Variants in PDZD2 observed in about 807,000 individuals in gnomAD.
PDZD2 encodes the protein PDZ domain containing 2.
In PDZD2, 90 loss-of-function variants were observed where a neutral mutation model predicts 220.7. The observed-to-expected ratio is 0.41, with a 90% confidence interval of 0.34 to 0.49. PDZD2 has a LOEUF of 0.49. Ranked by LOEUF, PDZD2 falls within the 20% of genes least tolerant of loss-of-function variation. PDZD2 has a pLI of 0.28. For synonymous variants in PDZD2, 1,375 were observed against 1,450.5 expected, an observed-to-expected ratio of 0.95 and a Z score of 1.18; for missense variants, 3,174 against 3,608.5, an observed-to-expected ratio of 0.88 and a Z score of 3.08.
At chr5:31,870,336 C>A (rs1385538474) in intron 2 of PDZD2, among the ~76,000 whole-genome samples, 1 of 152,194 alleles carries the variant, frequency 6.6e-6, no homozygotes, top group Non-Finnish European at 1.5e-5. Context: ...ATTTAAGTCT[C>A]TATAAATTTT....
intron 14 of PDZD2, 131 bp from the exon 15 acceptor site, chr5:32,069,438 G>C (rs1265441304): frequency 1.6e-6 from 1 of 635,822 alleles, no homozygotes; most frequent in African/African-American, 1.8e-5. Flanking sequence ...AGCTTCGGAG[G>C]ATGGTCATAA....
At chr5:31,825,827 G>A (rs1389602422) in intron 2 of PDZD2, among the ~76,000 whole-genome samples, 3 of 152,100 alleles carry the variant, frequency 2.0e-5, no homozygotes, top group Non-Finnish European at 4.4e-5. Flanking sequence ...TACGTATATT[G>A]TATCTTAAAC....
chr5:31,825,846 C>A (rs1463047274), intron 2 of PDZD2, among the ~76,000 whole-genome samples: 1 of 152,186 alleles, frequency 6.6e-6, no homozygotes, highest in African/African-American at 2.4e-5. Flanking sequence ...ACAATCACAA[C>A]GGCTGTTTCC....
At chr5:31,918,752 C>T (rs1743902707) in intron 2 of PDZD2, among the ~76,000 whole-genome samples, 1 of 151,956 alleles carries the variant, frequency 6.6e-6, no homozygotes, top group South Asian at 2.1e-4. Context: ...CCTGAGTGGA[C>T]CCCCAAGATC....
chr5:31,856,433 AGGGAAAGTGATGGGGTTC>A (rs139841601), intron 2 of PDZD2, among the ~76,000 whole-genome samples: 5,720 of 152,216 alleles, frequency 0.038, 133 homozygotes, highest in Non-Finnish European at 0.051. Flanking sequence ...GAAACAAGAA[AGGGAAAGTGATGGGGTTC>A]GGAATCGAAG....
rs1220122537 is a variant in PDZD2, at chr5:31,808,740, G to C, written c.476+9016G>C. On this transcript the variant is annotated intron_variant, in intron 2 of 24. Coordinates refer to ENST00000438447, the MANE Select transcript of PDZD2 (RefSeq NM_178140.4). Reference sequence around the variant, plus strand: ...GCCTGTAATGCCAGCACTTGGGGAGGCTGAGGCGGGTGGATCACTTGAGGT... The same window carrying C: ...GCCTGTAATGCCAGCACTTGGGGAGCCTGAGGCGGGTGGATCACTTGAGGT... 2.0e-5 allele frequency among the ~76,000 whole-genome samples: 3 copies of C among 152,322 alleles called. No homozygotes were observed. In the East Asian group the frequency reaches 5.8e-4, roughly 29 times the overall value.
chr5:32,109,280 G>A lies in PDZD2; in HGVS notation c.*1145G>A, dbSNP rs1250617891. The A allele has an allele frequency of 6.6e-6, 1 of 152,126 alleles. No individual in the cohort carries two copies. The highest frequency in any genetic ancestry group is 2.4e-5 in the African/African-American group (1 of 41,388). 9.4% of individuals were successfully genotyped at this position (152,126 alleles called of 1,614,324 possible). ...GTATTGGATCTCTTTTCTTGACCTAGTATAATGACAACTGCAGTGACTTAA... is the reference window on the plus strand; with the variant it reads ...GTATTGGATCTCTTTTCTTGACCTAATATAATGACAACTGCAGTGACTTAA... On this transcript the variant is annotated 3_prime_UTR_variant, in exon 25 of 25. Coordinates refer to ENST00000438447, the MANE Select transcript of PDZD2 (RefSeq NM_178140.4).
intron 1 of PDZD2, among the ~76,000 whole-genome samples, chr5:31,720,894 T>C (rs185176088): frequency 6.6e-6 from 1 of 152,256 alleles, no homozygotes; most frequent in Non-Finnish European, 1.5e-5. Flanking sequence ...TTTTTAGGTT[T>C]TATGGCTGGC....
chr5:31,707,097 G>C (rs2150136729), intron 1 of PDZD2, among the ~76,000 whole-genome samples: 1 of 130,328 alleles, frequency 7.7e-6, no homozygotes, highest in South Asian at 2.4e-4. Flanking sequence ...GGTGGGAATT[G>C]AACAATGAGA....
chr5:31,763,118 G>A (rs1278092274), intron 1 of PDZD2, among the ~76,000 whole-genome samples: 3 of 152,202 alleles, frequency 2.0e-5, no homozygotes, highest in African/African-American at 7.2e-5. Context: ...TGTGAGGGCA[G>A]TGACTGAGAT....
intron 4 of PDZD2, among the ~76,000 whole-genome samples, chr5:31,998,508 T>C (rs1458462660): frequency 2.0e-5 from 3 of 152,114 alleles, no homozygotes; most frequent in Non-Finnish European, 4.4e-5. Flanking sequence ...GAGAAGTCAG[T>C]TGATTCATTG....
chr5:31,920,550 T>C (rs1744149332), intron 2 of PDZD2, among the ~76,000 whole-genome samples: 1 of 151,112 alleles, frequency 6.6e-6, no homozygotes, highest in South Asian at 2.1e-4. Context: ...CTTACACCTG[T>C]AATCTGGGCT....
chr5:31,772,042 T>C (rs550135464), intron 1 of PDZD2, among the ~76,000 whole-genome samples: 4 of 152,254 alleles, frequency 2.6e-5, no homozygotes, highest in East Asian at 1.9e-4. Context: ...AGGAGCAGGA[T>C]TGGGCATGAT....
At chr5:31,821,279 T>C (rs557862585) in intron 2 of PDZD2, among the ~76,000 whole-genome samples, 6 of 137,758 alleles carry the variant, frequency 4.4e-5, no homozygotes, top group Non-Finnish European at 9.5e-5. Flanking sequence ...TGGGCATTTA[T>C]TTTGATGGAA....
intron 2 of PDZD2, among the ~76,000 whole-genome samples, chr5:31,903,457 G>A (rs1332109287): frequency 1.3e-5 from 2 of 151,692 alleles, no homozygotes; most frequent in African/African-American, 4.8e-5. Context: ...GACCGACCTG[G>A]GCAACATAGT....
Position 31,850,051 on chromosome 5 carries a change from CGTGTATATATAAGTATATATAT to C in PDZD2, c.476+50349_476+50370del, listed in dbSNP as rs757528806. On this transcript the variant is annotated intron_variant, in intron 2 of 24. Coordinates refer to ENST00000438447, the MANE Select transcript of PDZD2 (RefSeq NM_178140.4). ...TCATATATACACGTATATATATATA[CGTGTATATATAAGTATATATAT>C]GTGTATATATAAGTATATATACGTG... Among the ~76,000 whole-genome samples the C allele has an allele frequency of 4.3e-3, 291 of 68,072 alleles. 3 individuals are homozygous for C. The highest frequency in any genetic ancestry group is 0.013 in the South Asian group (34 of 2,588). The allele number at this position is 68,072 out of a possible 152,430, so 44.7% of individuals were successfully genotyped here.
At position 31,751,013 on chromosome 5, in the gene PDZD2, C is replaced by G. The variant is rs932144218; in HGVS notation, c.-360-47876C>G. Reference sequence around the variant, plus strand: ...ATCCTAGCACTTTGGGAGGCCAAGGCAGGTGGATCACCTGAGGTCAGGAGT... The same window carrying G: ...ATCCTAGCACTTTGGGAGGCCAAGGGAGGTGGATCACCTGAGGTCAGGAGT... On this transcript the variant is annotated intron_variant, in intron 1 of 24. Coordinates refer to ENST00000438447, the MANE Select transcript of PDZD2 (RefSeq NM_178140.4). Among the ~76,000 whole-genome samples the G allele has an allele frequency of 9.2e-5, 14 of 152,208 alleles. No homozygotes were observed. In the East Asian group the frequency reaches 2.7e-3, roughly 29 times the overall value.
intron 1 of PDZD2, among the ~76,000 whole-genome samples, chr5:31,658,535 C>G (rs1490961666): frequency 6.6e-6 from 1 of 152,076 alleles, no homozygotes; most frequent in African/African-American, 2.4e-5. Context: ...CATGTTTAAA[C>G]CTCCCCCTTC....
chr5:32,100,371 G>A (rs1370095652), intron 23 of PDZD2: 2 of 182,824 alleles, frequency 1.1e-5, no homozygotes, highest in Non-Finnish European at 2.3e-5. Flanking sequence ...TCCTTGGCTG[G>A]TAGGCAGGCA....
Sources: allele counts gnomAD v4.1 joint callset (sites outside exome capture counted in the v4.1 genomes callset), GRCh38; gene constraint gnomAD v4.1.1; transcripts MANE v1.5; gene names NCBI Gene and HGNC (gene_info 2026-07-23, HGNC 2026-07-21).